The following HMCN1 variants were observed in gnomAD, a reference collection of about 807,000 sequenced individuals.
HMCN1 encodes the protein hemicentin-1.
Under a neutral mutation model 625.9 loss-of-function variants are expected in HMCN1, and 321 were observed. That is an observed-to-expected ratio of 0.51 (90% CI 0.47 to 0.56). The LOEUF (loss-of-function observed/expected upper bound fraction) is 0.56, where lower values mean the gene tolerates loss of function less well. Ranked by LOEUF, HMCN1 falls within the 20% of genes least tolerant of loss-of-function variation. The pLI, the probability that HMCN1 is intolerant of heterozygous loss-of-function variation, is 0.00. For synonymous variants in HMCN1, 2,425 were observed against 2,417.6 expected, an observed-to-expected ratio of 1.00 and a Z score of -0.09; for missense variants, 6,588 against 6,887.3, an observed-to-expected ratio of 0.96 and a Z score of 1.54.
Position 186,023,012 on chromosome 1 carries a change from C to T in HMCN1, c.5626-18C>T. 2 of 1,612,430 alleles carry T rather than the reference C, an allele frequency of 1.2e-6. No individual in the cohort carries two copies. The highest frequency in any genetic ancestry group is 1.7e-6 in the Non-Finnish European group (2 of 1,178,718). On this transcript the variant is annotated intron_variant, in intron 35 of 106. Coordinates refer to ENST00000271588, the MANE Select transcript of HMCN1 (RefSeq NM_031935.3). ...GTATAAGATACAAAAATCCTCTGTG[C>T]TTTCTGCTCCCAATTAGATACAGTC...
At chr1:186,005,546 C>T (rs537344219) in intron 29 of HMCN1, among the ~76,000 whole-genome samples, 1 of 145,354 alleles carries the variant, frequency 6.9e-6, no homozygotes, top group African/African-American at 2.7e-5. Flanking sequence ...TGTTTATAAA[C>T]AATTTTTTAA....
At chr1:185,779,235 T>G (rs1656866950) in intron 1 of HMCN1, among the ~76,000 whole-genome samples, 1 of 152,234 alleles carries the variant, frequency 6.6e-6, no homozygotes, top group African/African-American at 2.4e-5. Flanking sequence ...CTTTGTAGAT[T>G]CTGGATATTA....
intron 100 of HMCN1, among the ~76,000 whole-genome samples, chr1:186,170,934 A>G (rs1652188767): frequency 6.6e-6 from 1 of 152,222 alleles, no homozygotes; most frequent in Non-Finnish European, 1.5e-5. Flanking sequence ...AGCTAGTAGC[A>G]ACAAGAAAGG....
At position 186,007,365 on chromosome 1, in the gene HMCN1, T is replaced by C. The variant is rs756910508; in HGVS notation, c.4630+83T>C. 1.5e-5 allele frequency: 19 copies of C among 1,247,786 alleles called. No individual in the cohort carries two copies. In the Middle Eastern group the frequency reaches 5.6e-4, roughly 37 times the overall value. 77.3% of individuals were successfully genotyped at this position (1,247,786 alleles called of 1,614,324 possible). On this transcript the variant is annotated intron_variant, in intron 30 of 106. Transcript: ENST00000271588. ...GGGTTTACTGGTAACTACACTCTTA[T>C]TTCATACTGAATAATTTGGAATACT... is the stretch of plus-strand genomic sequence containing the variant.
intron 10 of HMCN1, among the ~76,000 whole-genome samples, chr1:185,929,889 C>G (rs560066344): frequency 6.6e-6 from 1 of 152,158 alleles, no homozygotes; most frequent in South Asian, 2.1e-4. Context: ...TTATGAAAAG[C>G]ATTGGAGTCA....
chr1:186,070,973 G>A (rs887326653), intron 52 of HMCN1, among the ~76,000 whole-genome samples: 2 of 151,842 alleles, frequency 1.3e-5, no homozygotes, highest in Non-Finnish European at 2.9e-5. Flanking sequence ...TGGAAAGTTT[G>A]CATAATTATT....
intron 4 of HMCN1, among the ~76,000 whole-genome samples, chr1:185,874,594 T>C (rs1370860196): frequency 6.6e-6 from 1 of 152,006 alleles, no homozygotes; most frequent in African/African-American, 2.4e-5. Context: ...GATTTGGCTT[T>C]GTGACAAAAA....
intron 75 of HMCN1, 121 bp downstream of exon 75, chr1:186,115,535 G>C: frequency 3.1e-6 from 3 of 975,678 alleles, no homozygotes; most frequent in Non-Finnish European, 4.7e-6. Flanking sequence ...AGCATATAGA[G>C]GGTTTTTTTC....
chr1:186,093,571 C>T lies in HMCN1; in HGVS notation c.10098C>T (p.Ala3366=). ...CTTCAATAAATATTGAATGCAGAGC[C>T]ACAGGGACGCCTCCACCACAGATAA... The part of the protein sequence containing the change: ...VDTSINIECR[A]TGTPPPQINW... The change falls in exon 66 of 107, where the codon GCC becomes GCT. Residue 3366 remains alanine, a synonymous_variant. Transcript: ENST00000271588. 1 of 1,613,406 alleles carries T rather than the reference C, an allele frequency of 6.2e-7. No homozygotes were observed. The highest frequency in any genetic ancestry group is 2.2e-5 in the East Asian group (1 of 44,848).
chr1:185,775,336 G>A (rs979457403), intron 1 of HMCN1, among the ~76,000 whole-genome samples: 2 of 152,074 alleles, frequency 1.3e-5, no homozygotes, highest in Non-Finnish European at 1.5e-5. Flanking sequence ...CCAGAAGTTC[G>A]AGACTGTAGT....
intron 86 of HMCN1, among the ~76,000 whole-genome samples, chr1:186,135,506 G>C (rs530937932): frequency 2.0e-5 from 3 of 152,272 alleles, no homozygotes; most frequent in Non-Finnish European, 1.5e-5. Flanking sequence ...CTCTAGATAT[G>C]AATATCCCTG....
At chr1:186,166,151 T>C in intron 98 of HMCN1, 33 bp from the exon 99 acceptor site, 2 of 1,613,112 alleles carry the variant, frequency 1.2e-6, no homozygotes, top group Non-Finnish European at 1.7e-6. Flanking sequence ...GGATTTTACA[T>C]ACTGATTTGG....
intron 1 of HMCN1, among the ~76,000 whole-genome samples, chr1:185,753,286 A>AGAAAGTTT (rs1469204760): frequency 1.4e-4 from 22 of 152,134 alleles, no homozygotes; most frequent in Non-Finnish European, 2.2e-4. Context: ...AATAGCATAA[A>AGAAAGTTT]GAAAGTTTGA....
At chr1:186,003,047 T>C (rs1653303081) in intron 28 of HMCN1, among the ~76,000 whole-genome samples, 1 of 152,088 alleles carries the variant, frequency 6.6e-6, no homozygotes, top group South Asian at 2.1e-4. Context: ...CATTCTTCAC[T>C]TAGGAGTGTG....
intron 91 of HMCN1, 75 bp from the exon 92 acceptor site, chr1:186,145,328 T>G: frequency 7.0e-7 from 1 of 1,422,800 alleles, no homozygotes; most frequent in Non-Finnish European, 9.5e-7. Context: ...TTTAATACTT[T>G]TTGGATGAAT....
chr1:186,007,035 A>G lies in HMCN1; in HGVS notation c.4476-93A>G, dbSNP rs529755423. The G allele has an allele frequency of 1.1e-5, 11 of 960,150 alleles. No homozygotes were observed. In the East Asian group the frequency reaches 2.7e-4, roughly 24 times the overall value. 59.5% of individuals were successfully genotyped at this position (960,150 alleles called of 1,614,324 possible). A position where few individuals can be genotyped will look rare whatever the true frequency, so the allele number is the denominator to read the frequency against. On this transcript the variant is annotated intron_variant, in intron 29 of 106. Coordinates refer to ENST00000271588, the MANE Select transcript of HMCN1 (RefSeq NM_031935.3). ...ATTTTTTAAATTAACTTTTACTTGTATTTTTAGCCTGTACTAATGATTTTT... is the reference window on the plus strand; with the variant it reads ...ATTTTTTAAATTAACTTTTACTTGTGTTTTTAGCCTGTACTAATGATTTTT...
intron 70 of HMCN1, 128 bp downstream of exon 70, chr1:186,107,093 T>C (rs79076408): frequency 5.3e-5 from 20 of 376,060 alleles, no homozygotes; most frequent in Non-Finnish European, 9.5e-5. Flanking sequence ...AATCTGAATC[T>C]TTTTTTTTTT....
intron 1 of HMCN1, among the ~76,000 whole-genome samples, chr1:185,801,571 A>G (rs1658797256): frequency 6.6e-6 from 1 of 152,248 alleles, no homozygotes; most frequent in African/African-American, 2.4e-5. Context: ...TAGTCACATT[A>G]AACAGTTGAA....
intron 1 of HMCN1, among the ~76,000 whole-genome samples, chr1:185,782,509 G>A (rs1318801079): frequency 6.6e-6 from 1 of 152,176 alleles, no homozygotes; most frequent in Admixed American, 6.5e-5. Context: ...CATGTTTAGT[G>A]CTTCCTTCAG....
Sources: allele counts gnomAD v4.1 joint callset (sites outside exome capture counted in the v4.1 genomes callset), GRCh38; gene constraint gnomAD v4.1.1; transcripts MANE v1.5; gene names NCBI Gene and HGNC (gene_info 2026-07-23, HGNC 2026-07-21).